CHID1: variants seen among roughly 807,000 people sequenced by gnomAD.
CHID1 encodes chitinase domain containing 1.
In CHID1, 44 loss-of-function variants were observed where a neutral mutation model predicts 55.4. The observed-to-expected ratio is 0.79, with a 90% CI of 0.62 to 1.02. The LOEUF is 1.02. Ranked by LOEUF, CHID1 falls within the 50% of genes least tolerant of loss-of-function variation. CHID1 has a pLI of 0.00. For synonymous variants in CHID1, 216 were observed against 212.9 expected (o/e 1.01, Z -0.13); for missense variants, 491 against 515.3 (o/e 0.95, Z 0.46).
intron 10 of CHID1, among the ~76,000 whole-genome samples, chr11:878,427 G>A (rs542622012): frequency 2.3e-4 from 35 of 151,970 alleles, no homozygotes; most frequent in Admixed American, 1.9e-3. Flanking sequence ...AAAACAAACC[G>A]TGGTGGCACA....
intron 10 of CHID1, among the ~76,000 whole-genome samples, chr11:881,807 G>A (rs776829000): frequency 4.0e-5 from 6 of 151,438 alleles, no homozygotes; most frequent in Admixed American, 6.6e-5. Context: ...TTTGAGACCA[G>A]CCTCGACAAC....
chr11:885,211 C>T (rs979483286), intron 8 of CHID1, among the ~76,000 whole-genome samples: 2 of 152,192 alleles, frequency 1.3e-5, no homozygotes, highest in African/African-American at 4.8e-5. Flanking sequence ...ATCTGGACCA[C>T]GCCAAGGGCC....
At chr11:876,071 T>A (rs1849495912) in intron 10 of CHID1, among the ~76,000 whole-genome samples, 1 of 152,034 alleles carries the variant, frequency 6.6e-6, no homozygotes, top group Non-Finnish European at 1.5e-5. Context: ...AAAGCAGACA[T>A]CTGGTGCCAA....
chr11:881,873 A>T (rs919167288), intron 10 of CHID1, among the ~76,000 whole-genome samples: 1 of 151,874 alleles, frequency 6.6e-6, no homozygotes. Context: ...GCATGGTGGC[A>T]TGCACCTGTG....
At chr11:886,692 T>G (rs1329819170) in intron 8 of CHID1, among the ~76,000 whole-genome samples, 4 of 152,208 alleles carry the variant, frequency 2.6e-5, no homozygotes, top group Non-Finnish European at 4.4e-5. Context: ...GAAGAGGCCT[T>G]GCCGGAAGGT....
chr11:900,019 C>T lies in CHID1; in HGVS notation c.531G>A (p.Val177=), dbSNP rs746161687. The change falls in exon 6 of 13, where the codon GTG becomes GTA. Residue 177 remains valine (V), a synonymous_variant. Coordinates refer to ENST00000323578, the MANE Select transcript of CHID1 (RefSeq NM_023947.4). The stretch of plus-strand genomic sequence containing the variant: ...CAGGTCTCACCTTTGCCACCTGGAC[C>T]ACGGTCTTGCTCAGCTCCTCTATCT... ...EDEIEELSKT[V]VQVAKNQHFD... 6 of 1,613,878 alleles carry T rather than the reference C, an allele frequency of 3.7e-6. No homozygotes were observed. The Admixed American group carries it at 8.3e-5, about 22-fold the overall frequency.
intron 2 of CHID1, chr11:903,869 T>C (rs951705959): frequency 1.5e-5 from 3 of 193,930 alleles, no homozygotes; most frequent in Admixed American, 6.4e-5. Flanking sequence ...GTGACCCTGC[T>C]GGCCAACCAC....
At chr11:896,086 C>T (rs1234217623) in intron 7 of CHID1, among the ~76,000 whole-genome samples, 1 of 151,598 alleles carries the variant, frequency 6.6e-6, no homozygotes, top group Admixed American at 6.6e-5. Flanking sequence ...GCACCCGCAG[C>T]CTCCACCCCA....
intron 12 of CHID1, 41 bp from the exon 13 acceptor site, chr11:869,997 C>G (rs1252456839): frequency 6.2e-7 from 1 of 1,603,872 alleles, no homozygotes; most frequent in South Asian, 1.1e-5. Flanking sequence ...TGGGGCCTGT[C>G]CCCCCAACAC....
Position 875,504 on chromosome 11 carries a change from G to C in CHID1, c.960-5005C>G, listed in dbSNP as rs373580771. The stretch of plus-strand genomic sequence containing the variant: ...ACAAGCTGTAGACACTGAGGGCCCC[G>C]GGTGTGGAGAAGACCTGGCTCCTCG... On this transcript the variant is annotated intron_variant, in intron 10 of 12. Coordinates refer to ENST00000323578, the MANE Select transcript of CHID1 (RefSeq NM_023947.4). This position sits in a 1 kb window ranked among gnomAD's most constrained non-coding sequence, Gnocchi z 4.7. Among the ~76,000 whole-genome samples, 1 of 152,204 alleles carries C rather than the reference G, an allele frequency of 6.6e-6. No homozygotes were observed. Among genetic ancestry groups the C allele is most frequent in the African/African-American group, 2.4e-5 (1 of 41,452 alleles).
chr11:902,046 C>T (rs1851853424), intron 4 of CHID1, 152 bp downstream of exon 4: 3 of 786,598 alleles, frequency 3.8e-6, no homozygotes, highest in Admixed American at 4.7e-5. Flanking sequence ...TACACACTCA[C>T]ATTCACACTT....
In CHID1 at chr11:902,244, A is replaced by G; in HGVS notation, c.348T>C (p.Arg116=). ...ISPVWLQLKR[R]GREMFEVTGL... ...CCGTGACCTCAAACATCTCACGGCC[A>G]CGTCTCTTCAGCTGCAGCCAGACGG... The change falls in exon 4 of 13, where the codon CGT becomes CGC. Residue 116 remains arginine, a synonymous_variant. Transcript: ENST00000323578. 1 of 1,613,944 alleles carries G rather than the reference A, an allele frequency of 6.2e-7. No homozygotes were observed. Among genetic ancestry groups the G allele is most frequent in the Non-Finnish European group, 8.5e-7 (1 of 1,179,992 alleles).
At chr11:889,142 C>T (rs1018875328) in intron 8 of CHID1, among the ~76,000 whole-genome samples, 18 of 152,308 alleles carry the variant, frequency 1.2e-4, no homozygotes, top group Admixed American at 3.3e-4. Flanking sequence ...GAGGCCGGGG[C>T]GGCTGCGGCC....
At chr11:903,865 C>T (rs1852010356) in intron 2 of CHID1, 1 of 196,128 alleles carries the variant, frequency 5.1e-6, no homozygotes, top group South Asian at 6.0e-5. Context: ...CAACGTGACC[C>T]TGCTGGCCAA....
Position 875,021 on chromosome 11 carries a change from G to A in CHID1, c.960-4522C>T, listed in dbSNP as rs950086854. 6.6e-6 allele frequency: 1 copy of A among 152,428 alleles called. No individual in the cohort carries two copies. The highest frequency in any genetic ancestry group is 2.4e-5 in the African/African-American group (1 of 41,458). The allele number at this position is 152,428 out of a possible 1,614,324, so 9.4% of individuals were successfully genotyped here. ...CACAGGGCTCTGCAGCCAGCTCCAA[G>A]GAACGGGTCCAAGGGAGTGGAGCTG... On this transcript the variant is annotated intron_variant, in intron 10 of 12. Coordinates refer to ENST00000323578, the MANE Select transcript of CHID1 (RefSeq NM_023947.4). The surrounding 1 kb of genome is among the most constrained non-coding windows in gnomAD (Gnocchi z 4.7).
chr11:895,007 G>T (rs749453808), intron 7 of CHID1, among the ~76,000 whole-genome samples: 1 of 152,150 alleles, frequency 6.6e-6, no homozygotes, highest in African/African-American at 2.4e-5. Flanking sequence ...TGGGCAGCCC[G>T]TCCTCACGCC....
intron 1 of CHID1, among the ~76,000 whole-genome samples, chr11:906,926 G>A (rs1333416831): frequency 1.3e-5 from 2 of 152,144 alleles, no homozygotes; most frequent in South Asian, 2.1e-4. Flanking sequence ...TTCTCGGGAC[G>A]CTGAGACAGG....
chr11:893,453 C>G lies in CHID1; in HGVS notation c.675G>C (p.Leu225=). Reference sequence around the variant, plus strand: ...CGGGGGTGATGGCAGGCGGGATGACCAGGAGGGCCAGCAGCCGGGCCTGGT... The same window carrying G: ...CGGGGGTGATGGCAGGCGGGATGACGAGGAGGGCCAGCAGCCGGGCCTGGT... ...ALHQARLLAL[L]VIPPAITPGT... The change falls in exon 8 of 13, where the codon CTG becomes CTC. Residue 225 remains leucine (L), a synonymous_variant. Coordinates refer to ENST00000323578, the MANE Select transcript of CHID1 (RefSeq NM_023947.4). 1.3e-6 allele frequency: 2 copies of G among 1,551,508 alleles called. No homozygotes were observed. Among genetic ancestry groups the G allele is most frequent in the Non-Finnish European group, 1.7e-6 (2 of 1,147,320 alleles).
chr11:879,794 C>T (rs554459375), intron 10 of CHID1, among the ~76,000 whole-genome samples: 1 of 152,364 alleles, frequency 6.6e-6, no homozygotes, highest in African/African-American at 2.4e-5. Flanking sequence ...GGAGCTGAGG[C>T]AGGGCTGGGT....
Sources: gnomAD v4.1 joint callset for allele counts (sites outside exome capture counted in the v4.1 genomes callset) on GRCh38, gnomAD v4.1.1 for gene constraint, Gnocchi (gnomAD v3.1) non-coding constraint, MANE v1.5 for transcripts, NCBI Gene and HGNC (gene_info 2026-07-23, HGNC 2026-07-21) for gene names.